CUBN: variants seen among roughly 807,000 people sequenced by gnomAD.
The protein encoded by CUBN is 460 kDa receptor.
Under a neutral mutation model 405.3 loss-of-function variants are expected in CUBN, and 282 were observed. The observed-to-expected ratio is 0.70, with a 90% CI of 0.63 to 0.77. CUBN has a LOEUF of 0.77. Ranked by LOEUF, CUBN falls within the 30% of genes least tolerant of loss-of-function variation. The probability of loss-of-function intolerance (pLI) is 0.00; values close to 1 mark genes in which losing one functional copy is unlikely to be tolerated. For synonymous variants in CUBN, 1,684 were observed against 1,617.0 expected (o/e 1.04, Z -0.99); for missense variants, 4,514 against 4,475.2 (o/e 1.01, Z -0.25).
Position 17,127,538 on chromosome 10 carries a change from C to T in CUBN, c.348+291G>A, listed in dbSNP as rs561625256. The stretch of plus-strand genomic sequence containing the variant: ...GACCCTCCCTCTGTGGCCTCCCAAA[C>T]TGCTGGGATTACAGGCAGTTTTTTA... On this transcript the variant is annotated intron_variant, in intron 3 of 66. Coordinates refer to ENST00000377833, the MANE Select transcript of CUBN (RefSeq NM_001081.4). Among the ~76,000 whole-genome samples, 93 of 147,952 alleles carry T rather than the reference C, an allele frequency of 6.3e-4. 1 individual carries two copies. The highest frequency in any genetic ancestry group is 9.7e-4 in the Non-Finnish European group (65 of 67,266).
intron 13 of CUBN, among the ~76,000 whole-genome samples, chr10:17,100,935 G>A: frequency 6.6e-6 from 1 of 152,158 alleles, no homozygotes; most frequent in East Asian, 1.9e-4. Flanking sequence ...ACAAAAATGT[G>A]TCCGAATGGA....
At chr10:16,861,169 T>G in intron 59 of CUBN, among the ~76,000 whole-genome samples, 1 of 152,024 alleles carries the variant, frequency 6.6e-6, no homozygotes, top group Non-Finnish European at 1.5e-5. Flanking sequence ...GAATGCCTTT[T>G]TTTTTTTTTT....
At chr10:17,116,372 G>A (rs1428504207) in intron 6 of CUBN, among the ~76,000 whole-genome samples, 6 of 152,234 alleles carry the variant, frequency 3.9e-5, no homozygotes, top group Non-Finnish European at 7.3e-5. Flanking sequence ...AGCTAGGGGA[G>A]GAGGAGGGTA....
At chr10:16,949,169 G>C (rs572503637) in intron 34 of CUBN, among the ~76,000 whole-genome samples, 1 of 152,312 alleles carries the variant, frequency 6.6e-6, no homozygotes, top group South Asian at 2.1e-4. Flanking sequence ...CTCAGCGCAA[G>C]GTATTGCTAT....
rs192514293 is a variant in CUBN, at chr10:17,067,314, C to T, written c.3008+750G>A. On this transcript the variant is annotated intron_variant, in intron 21 of 66. Coordinates refer to ENST00000377833, the MANE Select transcript of CUBN (RefSeq NM_001081.4). ...ATGTGTAAAGTAGAGACATGGACTA[C>T]ATATAAAATGACTCAAATTGAACTT... 2.0e-3 allele frequency among the ~76,000 whole-genome samples: 308 copies of T among 152,184 alleles called. 1 individual carries two copies. The highest frequency in any genetic ancestry group is 3.7e-3 in the Admixed American group (57 of 15,284).
chr10:16,899,088 T>A lies in CUBN; in HGVS notation c.8506A>T (p.Ile2836Phe). ...PENSRCSWTAITHKSKHLEIS... is the reference protein window; with the variant it reads ...PENSRCSWTAFTHKSKHLEIS... ...TCCAAGTGTTTACTTTTGTGAGTAATGGCCGTCCAGGAACATCTGCTGTTT... is the reference window on the plus strand; with the variant it reads ...TCCAAGTGTTTACTTTTGTGAGTAAAGGCCGTCCAGGAACATCTGCTGTTT... Residue 2836 changes from isoleucine to phenylalanine, a missense_variant, in exon 54 of 67, where the codon ATT (isoleucine) becomes TTT (phenylalanine). Coordinates refer to ENST00000377833, the MANE Select transcript of CUBN (RefSeq NM_001081.4). 6.2e-7 allele frequency: 1 copy of A among 1,613,708 alleles called. No individual in the cohort carries two copies. The highest frequency in any genetic ancestry group is 8.5e-7 in the Non-Finnish European group (1 of 1,179,568).
intron 59 of CUBN, among the ~76,000 whole-genome samples, chr10:16,854,063 CA>C (rs975252772): frequency 6.6e-6 from 1 of 152,056 alleles, no homozygotes; most frequent in African/African-American, 2.4e-5. Context: ...TACAGTTTTG[CA>C]AAAAGATGAA....
At chr10:16,932,127 G>A (rs1004538752) in intron 40 of CUBN, among the ~76,000 whole-genome samples, 1 of 152,152 alleles carries the variant, frequency 6.6e-6, no homozygotes, top group African/African-American at 2.4e-5. Context: ...CATCATGTGT[G>A]TATGATTGAT....
intron 36 of CUBN, among the ~76,000 whole-genome samples, chr10:16,941,104 T>C (rs982737345): frequency 6.6e-6 from 1 of 152,144 alleles, no homozygotes; most frequent in African/African-American, 2.4e-5. Flanking sequence ...AAACTTGGCC[T>C]TACTGCTTAA....
chr10:16,928,532 C>CCCTTTTTTT (rs1403918589), intron 40 of CUBN, among the ~76,000 whole-genome samples: 1 of 107,124 alleles, frequency 9.3e-6, no homozygotes. Flanking sequence ...CCACCCCCCC[C>CCCTTTTTTT]TTTTTTTTTT....
Position 17,071,538 on chromosome 10 carries a change from C to T in CUBN, c.2513G>A (p.Gly838Glu), listed in dbSNP as rs1427812315. 2 of 1,613,960 alleles carry T rather than the reference C, an allele frequency of 1.2e-6. No individual in the cohort carries two copies. Among genetic ancestry groups the T allele is most frequent in the Admixed American group, 3.3e-5 (2 of 60,002 alleles). The change falls in exon 19 of 67, where the codon GGA becomes GAA. Residue 838 changes from glycine (G) to glutamate (E), a missense_variant. By Grantham distance (98) the Gly-to-Glu change is moderately conservative. Transcript: ENST00000377833. ...GATGGTCCACCTACAGGTTCTTTCT[C>T]CAGGATACACGTTAGGAAAAAAAGG... ...RSPFFPNVYP[G>E]ERTCRWTIHQ...
Position 17,104,251 on chromosome 10 carries a change from T to G in CUBN, c.1417+168A>C, listed in dbSNP as rs11814201. ...CTTGGCTTACAGTGAGATTTATAAA[T>G]ATTTAGCTTGTGAATTTTATACCAT... On this transcript the variant is annotated intron_variant, in intron 12 of 66. Coordinates refer to ENST00000377833, the MANE Select transcript of CUBN (RefSeq NM_001081.4). Among the ~76,000 whole-genome samples the G allele has an allele frequency of 0.053, 8,097 of 152,328 alleles. 726 individuals carry two copies. Among genetic ancestry groups the G allele is most frequent in the African/African-American group, 0.19 (7,697 of 41,562 alleles).
intron 31 of CUBN, among the ~76,000 whole-genome samples, chr10:16,980,569 T>C (rs962966262): frequency 2.6e-5 from 4 of 152,160 alleles, no homozygotes; most frequent in African/African-American, 9.7e-5. Flanking sequence ...GAAACCATCA[T>C]TCTCAGCAAA....
At chr10:16,986,779 A>T (rs754651527) in intron 29 of CUBN, among the ~76,000 whole-genome samples, 1 of 152,194 alleles carries the variant, frequency 6.6e-6, no homozygotes, top group Non-Finnish European at 1.5e-5. Context: ...TCCCCACAGC[A>T]TGAAACTGAC....
At chr10:16,904,518 T>C (rs993206019) in intron 50 of CUBN, among the ~76,000 whole-genome samples, 2 of 152,224 alleles carry the variant, frequency 1.3e-5, no homozygotes, top group African/African-American at 4.8e-5. Flanking sequence ...TGCCTAAAAT[T>C]TGAAAGATTT....
chr10:17,079,318 C>T (rs954136871), intron 17 of CUBN, among the ~76,000 whole-genome samples: 1 of 151,154 alleles, frequency 6.6e-6, no homozygotes, highest in African/African-American at 2.4e-5. Flanking sequence ...TCACTGCAAC[C>T]TCCACCTCTT....
intron 60 of CUBN, among the ~76,000 whole-genome samples, chr10:16,844,855 T>C (rs1588579981): frequency 1.3e-5 from 2 of 152,160 alleles, no homozygotes; most frequent in South Asian, 4.1e-4. Flanking sequence ...GGGAATCATA[T>C]ATAAACTGGG....
rs754317569 is a variant in CUBN at position 17,085,717 on chromosome 10, A to T, written c.1990T>A (p.Phe664Ile). Residue 664 changes from phenylalanine (F) to isoleucine (I), a missense_variant, in exon 16 of 67, where the codon TTC becomes ATC. Coordinates refer to ENST00000377833, the MANE Select transcript of CUBN (RefSeq NM_001081.4). ...GGTGGGACAGAGAAAGTGGTGCAGA[A>T]CTTCCCAAGAAGGGGGTCCTGATAC... ...PLYQDPLLGK[F>I]CTTFSVPPLQ... is the part of the protein sequence containing the mutation. 1.2e-6 allele frequency: 2 copies of T among 1,614,118 alleles called. No homozygotes were observed. The highest frequency in any genetic ancestry group is 4.5e-5 in the East Asian group (2 of 44,878).
At chr10:17,079,828 T>C (rs1317721738) in intron 17 of CUBN, among the ~76,000 whole-genome samples, 2 of 152,032 alleles carry the variant, frequency 1.3e-5, no homozygotes, top group Non-Finnish European at 2.9e-5. Flanking sequence ...CCCAAGCTCA[T>C]AGTGGAATCA....
Sources: allele counts gnomAD v4.1 joint callset (sites outside exome capture counted in the v4.1 genomes callset), GRCh38; gene constraint gnomAD v4.1.1; transcripts MANE v1.5; gene names NCBI Gene and HGNC (gene_info 2026-07-23, HGNC 2026-07-21).